The following CEP135 variants were observed in gnomAD, a reference collection of about 807,000 sequenced individuals.
CEP135 encodes centrosomal protein 135, also known as centrosomal protein of 135 kDa.
In CEP135, 142 loss-of-function variants were observed where a neutral mutation model predicts 157.3. The observed-to-expected ratio is 0.90, with a 90% CI of 0.79 to 1.04. The LOEUF is 1.04. Among genes scored for constraint, CEP135 ranks in the 50% least tolerant of loss-of-function variants. CEP135 has a pLI of 0.00. For missense variants in CEP135, 1,317 were observed against 1,309.2 expected (o/e 1.01, Z -0.09); for synonymous variants, 396 against 439.8 (o/e 0.90, Z 1.25).
At chr4:56,018,660 A>C (rs920749752) in intron 22 of CEP135, among the ~76,000 whole-genome samples, 1 of 152,000 alleles carries the variant, frequency 6.6e-6, no homozygotes, top group African/African-American at 2.4e-5. Flanking sequence ...CGGGAGGCTG[A>C]GGCAGGGAAG....
rs1728811639 is a variant in CEP135, at chr4:55,965,457, A to G, written c.829-187A>G. 1.8e-5 allele frequency: 9 copies of G among 489,932 alleles called. No homozygotes were observed. In the South Asian group the frequency reaches 2.3e-4, roughly 12 times the overall value. 30.3% of individuals were successfully genotyped at this position (489,932 alleles called of 1,614,324 possible). A position where few individuals can be genotyped will look rare whatever the true frequency, so the allele number is the denominator to read the frequency against. On this transcript the variant is annotated intron_variant, in intron 7 of 25. Coordinates refer to ENST00000257287, the MANE Select transcript of CEP135 (RefSeq NM_025009.5). ...TGCTTGAAAATCAAAGTCAATGGAT[A>G]TGTACTTTCATTACACTGCACATGG...
chr4:56,022,849 A>T (rs566839298), intron 24 of CEP135, among the ~76,000 whole-genome samples: 1 of 152,260 alleles, frequency 6.6e-6, no homozygotes, highest in East Asian at 1.9e-4. Flanking sequence ...TAATCCCAGC[A>T]CTTTGGGAGG....
intron 17 of CEP135, among the ~76,000 whole-genome samples, chr4:56,005,173 A>G (rs1180387147): frequency 1.3e-5 from 2 of 152,132 alleles, no homozygotes; most frequent in African/African-American, 4.8e-5. Flanking sequence ...GACCAGGCAT[A>G]TTGGCTCACA....
rs575680187 is a variant in CEP135 at position 55,957,492 on chromosome 4, G to A, written c.614+128G>A. On this transcript the variant is annotated intron_variant, in intron 5 of 25. Coordinates refer to ENST00000257287, the MANE Select transcript of CEP135 (RefSeq NM_025009.5). ...AGTGTCTAGCACAGAACTTTGCACC[G>A]GCACTCAGTAAATACTTCCAGATTG... 4.2e-5 allele frequency: 30 copies of A among 719,868 alleles called. No homozygotes were observed. In the South Asian group the frequency reaches 5.2e-4, roughly 13 times the overall value. The allele number at this position is 719,868 out of a possible 1,614,324, so 44.6% of individuals were successfully genotyped here.
At position 55,991,933 on chromosome 4, in the gene CEP135, G is replaced by A; in HGVS notation, c.1858-1G>A. On this transcript the variant is annotated splice_acceptor_variant, in intron 14 of 25. Transcript: ENST00000257287. LOFTEE classifies it high-confidence loss of function. ...CTACTGTTTTTTTATTTAAATTATA[G>A]CTTGAAAGCGAAAAATATGAATTAA... is the stretch of plus-strand genomic sequence containing the variant. 1 of 1,422,810 alleles carries A rather than the reference G, an allele frequency of 7.0e-7. No homozygotes were observed. The highest frequency in any genetic ancestry group is 9.6e-7 in the Non-Finnish European group (1 of 1,041,010). The allele number at this position is 1,422,810 out of a possible 1,614,324, so 88.1% of individuals were successfully genotyped here.
At chr4:56,010,541 T>C (rs1352497598) in intron 19 of CEP135, among the ~76,000 whole-genome samples, 1 of 152,122 alleles carries the variant, frequency 6.6e-6, no homozygotes, top group East Asian at 1.9e-4. Flanking sequence ...TCAGAAATCA[T>C]TGTCACCCTA....
At chr4:56,022,951 G>T (rs114929080) in intron 24 of CEP135, among the ~76,000 whole-genome samples, 32 of 152,200 alleles carry the variant, frequency 2.1e-4, no homozygotes, top group African/African-American at 7.7e-4. Context: ...CTAAAAATTA[G>T]CTGGGCATGA....
chr4:55,978,392 A>G (rs892394694), intron 11 of CEP135, among the ~76,000 whole-genome samples: 2 of 152,248 alleles, frequency 1.3e-5, no homozygotes, highest in African/African-American at 4.8e-5. Context: ...ATAAGAGTAT[A>G]TAGAAGGAGA....
chr4:55,968,263 A>C (rs1342314287), intron 8 of CEP135, among the ~76,000 whole-genome samples: 1 of 152,220 alleles, frequency 6.6e-6, no homozygotes, highest in Non-Finnish European at 1.5e-5. Flanking sequence ...AAGTTAAAGA[A>C]GACACAAATA....
At position 55,991,989 on chromosome 4, in the gene CEP135, T is replaced by A; in HGVS notation, c.1913T>A (p.Ile638Lys). The A allele has an allele frequency of 1.3e-6, 2 of 1,581,218 alleles. No homozygotes were observed. The highest frequency in any genetic ancestry group is 1.7e-6 in the Non-Finnish European group (2 of 1,155,706). The change falls in exon 15 of 26, where the codon ATA becomes AAA. Residue 638 changes from isoleucine (I) to lysine (K), a missense_variant. By Grantham distance (102) the Ile-to-Lys change is moderately radical. Transcript: ENST00000257287. ...AAAGTGTTAATAATGAAAGAAACAA[T>A]AGAGTCGTTAGAGAACAAATTAAAA... ...KSKVLIMKET[I>K]ESLENKLKVQ...
intron 6 of CEP135, among the ~76,000 whole-genome samples, chr4:55,962,424 C>G (rs556782068): frequency 6.6e-6 from 1 of 152,026 alleles, no homozygotes; most frequent in African/African-American, 2.4e-5. Flanking sequence ...ACTACCTCCC[C>G]CTCTTGAGGA....
intron 17 of CEP135, among the ~76,000 whole-genome samples, chr4:56,003,760 G>A (rs1730259753): frequency 6.7e-6 from 1 of 148,172 alleles, no homozygotes; most frequent in African/African-American, 2.5e-5. Flanking sequence ...TCACTGTATT[G>A]CCCAGGCTGA....
intron 14 of CEP135, among the ~76,000 whole-genome samples, chr4:55,987,905 T>A (rs1431502007): frequency 6.6e-6 from 1 of 152,150 alleles, no homozygotes; most frequent in Non-Finnish European, 1.5e-5. Context: ...AGATAATGAT[T>A]GATGATTTTC....
chr4:55,985,397 A>T, intron 14 of CEP135, 39 bp downstream of exon 14: 7 of 915,450 alleles, frequency 7.6e-6, no homozygotes, highest in Non-Finnish European at 1.2e-5. Context: ...CTTGTGTTAT[A>T]TGAATAACTA....
chr4:56,017,942 A>T, intron 22 of CEP135, 85 bp downstream of exon 22: 1 of 1,141,766 alleles, frequency 8.8e-7, no homozygotes, highest in Non-Finnish European at 1.2e-6. Context: ...CACCATGCAT[A>T]TACTTGTTTC....
intron 14 of CEP135, among the ~76,000 whole-genome samples, chr4:55,991,532 G>C (rs1729797008): frequency 6.6e-6 from 1 of 151,912 alleles, no homozygotes; most frequent in Non-Finnish European, 1.5e-5. Flanking sequence ...AAATTATACT[G>C]TTTCTTCACA....
At chr4:56,008,410 CTTTTTAGGAGAT>C in intron 18 of CEP135, 28 bp downstream of exon 18, 2 of 1,562,666 alleles carry the variant, frequency 1.3e-6, no homozygotes, top group South Asian at 2.3e-5. Flanking sequence ...TTACATCCAG[CTTTTTAGGAGAT>C]TTTCAGTGAA....
At chr4:55,970,035 A>T (rs1460913126) in intron 9 of CEP135, among the ~76,000 whole-genome samples, 8 of 117,384 alleles carry the variant, frequency 6.8e-5, no homozygotes, top group African/African-American at 2.5e-4. Flanking sequence ...CACCGTGCCT[A>T]GCTTTTTTTT....
At chr4:55,978,632 C>A (rs1283079517) in intron 11 of CEP135, among the ~76,000 whole-genome samples, 1 of 152,194 alleles carries the variant, frequency 6.6e-6, no homozygotes, top group African/African-American at 2.4e-5. Context: ...CTCACTGTAA[C>A]CTTGAACTCC....
Sources: allele counts gnomAD v4.1 joint callset (sites outside exome capture counted in the v4.1 genomes callset), GRCh38; gene constraint gnomAD v4.1.1; transcripts MANE v1.5; gene names NCBI Gene and HGNC (gene_info 2026-07-23, HGNC 2026-07-21).